RBM47: variants seen among roughly 807,000 people sequenced by gnomAD.
RBM47 encodes the protein RNA binding motif protein 47.
Under a neutral mutation model 47.1 loss-of-function variants are expected in RBM47, and 21 were observed. The observed-to-expected ratio is 0.45, with a 90% CI of 0.32 to 0.64. The LOEUF is 0.64. Ranked by LOEUF, RBM47 falls within the 30% of genes least tolerant of loss-of-function variation. The pLI, the probability that RBM47 is intolerant of heterozygous loss-of-function variation, is 0.05. For synonymous variants in RBM47, 375 were observed against 361.7 expected, an observed-to-expected ratio of 1.04 and a Z score of -0.42; for missense variants, 708 against 870.9, an observed-to-expected ratio of 0.81 and a Z score of 2.35.
At chr4:40,565,897 T>C (rs181219019) in intron 1 of RBM47, among the ~76,000 whole-genome samples, 249 of 152,130 alleles carry the variant, frequency 1.6e-3, no homozygotes, top group Non-Finnish European at 2.6e-3. Flanking sequence ...AGGGAGACCC[T>C]GTCTCTACAA....
intron 1 of RBM47, among the ~76,000 whole-genome samples, chr4:40,548,916 T>C (rs1280621581): frequency 1.3e-5 from 2 of 152,192 alleles, no homozygotes; most frequent in Non-Finnish European, 2.9e-5. Context: ...TCCGCCCAAC[T>C]TGGCCTCCCA....
chr4:40,562,171 G>A (rs1027325084), intron 1 of RBM47, among the ~76,000 whole-genome samples: 2 of 152,150 alleles, frequency 1.3e-5, no homozygotes, highest in African/African-American at 4.8e-5. Context: ...AGACCACCTG[G>A]TCTGCTGGAC....
At chr4:40,480,027 G>A (rs1244095683) in intron 2 of RBM47, among the ~76,000 whole-genome samples, 1 of 141,168 alleles carries the variant, frequency 7.1e-6, no homozygotes, top group Non-Finnish European at 1.5e-5. Context: ...GCCCAGGCTG[G>A]AATGCAATTC....
intron 1 of RBM47, among the ~76,000 whole-genome samples, chr4:40,600,861 T>C (rs1431612593): frequency 6.6e-6 from 1 of 150,664 alleles, no homozygotes; most frequent in Non-Finnish European, 1.5e-5. Flanking sequence ...GCCAGGCACC[T>C]GTAATCTCAG....
At chr4:40,620,574 C>T (rs4861288) in intron 1 of RBM47, among the ~76,000 whole-genome samples, 20,385 of 152,100 alleles carry the variant, frequency 0.13, 1,535 homozygotes, top group African/African-American at 0.14. Context: ...GTTTATAAAC[C>T]CATTTAATTC....
At chr4:40,520,515 T>C (rs1020528719) in intron 2 of RBM47, among the ~76,000 whole-genome samples, 59 of 152,216 alleles carry the variant, frequency 3.9e-4, no homozygotes, top group African/African-American at 1.4e-3. Flanking sequence ...GAGGCTAGTA[T>C]ATATTTGGCC....
intron 1 of RBM47, among the ~76,000 whole-genome samples, chr4:40,568,035 C>A (rs1202304722): frequency 6.6e-6 from 1 of 151,676 alleles, no homozygotes; most frequent in East Asian, 1.9e-4. Flanking sequence ...GTTGACTGAA[C>A]CCGGGAGGCG....
At position 40,423,708 on chromosome 4, in the gene RBM47, C is replaced by CT. The variant is rs398051153; in HGVS notation, c.*2195dup. The CT allele has an allele frequency of 2.4e-4, 14 of 59,274 alleles. No individual in the cohort carries two copies. The highest frequency in any genetic ancestry group is 1.3e-3 in the African/African-American group (13 of 10,290). 3.7% of individuals were successfully genotyped at this position (59,274 alleles called of 1,614,324 possible). ...TCTTTCTTTCTTTCTTTCTTTCTTT[C>CT]TTTCTTTTCTTTCTTTTCTTTCTTC... On this transcript the variant is annotated 3_prime_UTR_variant, in exon 7 of 7. Transcript: ENST00000295971.
intron 3 of RBM47, among the ~76,000 whole-genome samples, chr4:40,442,258 G>C (rs1048932235): frequency 4.6e-5 from 7 of 152,094 alleles, no homozygotes; most frequent in Non-Finnish European, 7.3e-5. Context: ...ATCCAAATTT[G>C]CTGTGTCTCT....
chr4:40,430,603 C>T (rs1577595567), intron 6 of RBM47, among the ~76,000 whole-genome samples: 1 of 152,202 alleles, frequency 6.6e-6, no homozygotes, highest in Non-Finnish European at 1.5e-5. Flanking sequence ...AATTAGTCTG[C>T]CCTTTCTGAA....
At chr4:40,432,960 A>T (rs1388463174) in intron 5 of RBM47, 98 bp from the exon 6 acceptor site, 26 of 1,470,744 alleles carry the variant, frequency 1.8e-5, no homozygotes, top group South Asian at 4.2e-5. Context: ...TTATTTTTTT[A>T]AAAACTTTTC....
At chr4:40,589,686 G>A (rs1308188865) in intron 1 of RBM47, among the ~76,000 whole-genome samples, 2 of 152,184 alleles carry the variant, frequency 1.3e-5, no homozygotes. Flanking sequence ...TGATCCACCC[G>A]CCTCGGCCTC....
chr4:40,472,625 A>G (rs1164718348), intron 2 of RBM47, among the ~76,000 whole-genome samples: 1 of 152,136 alleles, frequency 6.6e-6, no homozygotes, highest in Non-Finnish European at 1.5e-5. Context: ...ATAGGACTAA[A>G]ATGAAAAAAA....
intron 2 of RBM47, chr4:40,542,805 G>A (rs553300663): frequency 6.6e-6 from 1 of 152,298 alleles, no homozygotes; most frequent in Admixed American, 6.5e-5. Context: ...CCTATGTGCT[G>A]GGATTGCAGG....
At chr4:40,548,056 T>C (rs1729190843) in intron 1 of RBM47, among the ~76,000 whole-genome samples, 1 of 152,146 alleles carries the variant, frequency 6.6e-6, no homozygotes, top group Non-Finnish European at 1.5e-5. Context: ...TACAGATTAG[T>C]GGAGCACAGA....
chr4:40,606,873 G>A (rs997689847), intron 1 of RBM47, among the ~76,000 whole-genome samples: 5 of 152,054 alleles, frequency 3.3e-5, no homozygotes, highest in Admixed American at 6.6e-5. Flanking sequence ...TTAGCCAGGC[G>A]TGGAGAGGCT....
intron 2 of RBM47, among the ~76,000 whole-genome samples, chr4:40,541,046 C>T (rs1451632479): frequency 2.0e-5 from 3 of 151,796 alleles, no homozygotes; most frequent in African/African-American, 4.8e-5. Context: ...CCCAGCACTA[C>T]GGGAGGCTAC....
At chr4:40,458,169 T>C (rs181283723) in intron 3 of RBM47, among the ~76,000 whole-genome samples, 2 of 152,312 alleles carry the variant, frequency 1.3e-5, no homozygotes, top group East Asian at 1.9e-4. Flanking sequence ...ATGCACCTTC[T>C]GGTGGTATGT....
intron 2 of RBM47, among the ~76,000 whole-genome samples, chr4:40,496,325 C>A (rs544390527): frequency 8.1e-6 from 1 of 124,094 alleles, no homozygotes; most frequent in African/African-American, 3.2e-5. Flanking sequence ...GGCTGGAGAA[C>A]TTAAACACAC....
Sources: gnomAD v4.1 joint callset for allele counts (sites outside exome capture counted in the v4.1 genomes callset) on GRCh38, gnomAD v4.1.1 for gene constraint, MANE v1.5 for transcripts, NCBI Gene and HGNC (gene_info 2026-07-23, HGNC 2026-07-21) for gene names.